The following NSMCE2 variants were observed in gnomAD, a reference collection of about 807,000 sequenced individuals.
The protein encoded by NSMCE2 is E3 SUMO-protein ligase NSE2.
NSMCE2 carries 24 observed loss-of-function variants against 23.8 expected under a neutral mutation model. The ratio of observed to expected loss-of-function variants is 1.01; its 90% CI spans 0.73 to 1.42. The LOEUF is 1.42. Among genes scored for constraint, NSMCE2 ranks in the 40% most tolerant of loss-of-function variants. The pLI is 0.00. For synonymous variants in NSMCE2, 92 were observed against 94.1 expected (o/e 0.98, Z 0.13); for missense variants, 284 against 296.5 (o/e 0.96, Z 0.31).
chr8:125,303,019 T>A (rs1280800577), intron 5 of NSMCE2, among the ~76,000 whole-genome samples: 1 of 152,128 alleles, frequency 6.6e-6, no homozygotes, highest in Non-Finnish European at 1.5e-5. Flanking sequence ...CCCCGCATCT[T>A]CTGTTTCGCA....
At chr8:125,252,958 G>T (rs542240485) in intron 5 of NSMCE2, among the ~76,000 whole-genome samples, 1 of 152,158 alleles carries the variant, frequency 6.6e-6, no homozygotes, top group African/African-American at 2.4e-5. Flanking sequence ...CTTACCTATA[G>T]AACACAGATT....
intron 5 of NSMCE2, among the ~76,000 whole-genome samples, chr8:125,250,304 CAT>C (rs1826152271): frequency 6.6e-6 from 1 of 151,186 alleles, no homozygotes; most frequent in African/African-American, 2.5e-5. Flanking sequence ...GGTATGGAAA[CAT>C]AAAGATAGTT....
chr8:125,286,344 G>T (rs1205813701), intron 5 of NSMCE2, among the ~76,000 whole-genome samples: 4 of 144,416 alleles, frequency 2.8e-5, no homozygotes, highest in Non-Finnish European at 4.5e-5. Flanking sequence ...ATGGAGTCTC[G>T]CCCTGTCACC....
chr8:125,247,390 A>C (rs1271551301), intron 5 of NSMCE2, among the ~76,000 whole-genome samples: 3 of 152,196 alleles, frequency 2.0e-5, no homozygotes, highest in African/African-American at 7.2e-5. Flanking sequence ...TCTTAAGTCA[A>C]ATAGCAAATA....
At chr8:125,097,114 A>G (rs1368958349) in intron 1 of NSMCE2, among the ~76,000 whole-genome samples, 2 of 152,156 alleles carry the variant, frequency 1.3e-5, no homozygotes, top group Non-Finnish European at 2.9e-5. Flanking sequence ...GTCTCTTTCA[A>G]TGCAAATGTT....
Position 125,151,176 on chromosome 8 carries a change from G to A in NSMCE2, c.163G>A (p.Val55Met). The change falls in exon 4 of 8, where the codon GTG becomes ATG. Residue 55 changes from valine (V) to methionine (M), a missense_variant. Coordinates refer to ENST00000287437, the MANE Select transcript of NSMCE2 (RefSeq NM_173685.4). ...ALDLVESQTE[V>M]SSEYSMDKAM... ...GCAATTTTTTTTTCTTTCAGCTGAAGTGAGTAGTGAATATAGTATGGACAA... is the reference window on the plus strand; with the variant it reads ...GCAATTTTTTTTTCTTTCAGCTGAAATGAGTAGTGAATATAGTATGGACAA... 1 of 1,566,554 alleles carries A rather than the reference G, an allele frequency of 6.4e-7. No individual in the cohort carries two copies. The highest frequency in any genetic ancestry group is 8.7e-7 in the Non-Finnish European group (1 of 1,143,822).
chr8:125,293,535 C>T (rs1186814404), intron 5 of NSMCE2, among the ~76,000 whole-genome samples: 2 of 150,666 alleles, frequency 1.3e-5, no homozygotes, highest in African/African-American at 4.9e-5. Context: ...AGCATCCACT[C>T]TGTGGAAAGC....
At chr8:125,342,165 A>G (rs1830276505) in intron 5 of NSMCE2, among the ~76,000 whole-genome samples, 1 of 152,112 alleles carries the variant, frequency 6.6e-6, no homozygotes, top group South Asian at 2.1e-4. Flanking sequence ...TAGACATCAC[A>G]TTCTCTGTGG....
At chr8:125,170,582 G>A (rs1474346721) in intron 4 of NSMCE2, among the ~76,000 whole-genome samples, 4 of 151,176 alleles carry the variant, frequency 2.6e-5, no homozygotes, top group African/African-American at 4.9e-5. Flanking sequence ...TAACTTTTGT[G>A]TTTTTAGAAG....
intron 5 of NSMCE2, among the ~76,000 whole-genome samples, chr8:125,280,715 G>T (rs1411462700): frequency 6.6e-6 from 1 of 152,120 alleles, no homozygotes; most frequent in Non-Finnish European, 1.5e-5. Context: ...TTTTGTTTGG[G>T]TCCCAGACAG....
intron 7 of NSMCE2, among the ~76,000 whole-genome samples, chr8:125,363,817 C>G (rs1238373516): frequency 6.6e-6 from 1 of 152,160 alleles, no homozygotes; most frequent in African/African-American, 2.4e-5. Flanking sequence ...TGCCCTAATG[C>G]AAAGCCAAAT....
intron 5 of NSMCE2, among the ~76,000 whole-genome samples, chr8:125,200,557 G>A (rs549309609): frequency 6.6e-6 from 1 of 150,666 alleles, no homozygotes; most frequent in Admixed American, 6.6e-5. Context: ...TTAGTCTGAT[G>A]GGCTTCCCTT....
chr8:125,100,572 A>G lies in NSMCE2; in HGVS notation c.-110-1479A>G, dbSNP rs114279124. 3.3e-3 allele frequency among the ~76,000 whole-genome samples: 505 copies of G among 151,474 alleles called. 2 individuals carry two copies. The highest frequency in any genetic ancestry group is 0.012 in the African/African-American group (474 of 41,164). On this transcript the variant is annotated intron_variant, in intron 1 of 7. Coordinates refer to ENST00000287437, the MANE Select transcript of NSMCE2 (RefSeq NM_173685.4). ...TAGAGGCTGAATTTTTTTTATTTTT[A>G]TTTTTTTGAGACCGCGTCTTGCTCT...
intron 1 of NSMCE2, among the ~76,000 whole-genome samples, chr8:125,093,165 G>A (rs550837204): frequency 1.4e-3 from 214 of 152,294 alleles, no homozygotes; most frequent in African/African-American, 4.9e-3. Context: ...CCTGTTTCCT[G>A]GTTCATAGGT....
chr8:125,243,240 A>G (rs1825826834), intron 5 of NSMCE2, among the ~76,000 whole-genome samples: 1 of 152,220 alleles, frequency 6.6e-6, no homozygotes, highest in Non-Finnish European at 1.5e-5. Flanking sequence ...ATGTCAGATG[A>G]GTATTTAAGT....
chr8:125,225,880 C>T (rs1309291453), intron 5 of NSMCE2, among the ~76,000 whole-genome samples: 1 of 152,130 alleles, frequency 6.6e-6, no homozygotes, highest in Non-Finnish European at 1.5e-5. Flanking sequence ...GAACACATTT[C>T]CAGATACAAT....
chr8:125,201,683 C>A (rs1407300984), intron 5 of NSMCE2, among the ~76,000 whole-genome samples: 1 of 152,224 alleles, frequency 6.6e-6, no homozygotes, highest in Non-Finnish European at 1.5e-5. Flanking sequence ...TGTCCATTCT[C>A]AGAGCTCAGT....
chr8:125,352,207 G>A (rs568191567), intron 5 of NSMCE2, among the ~76,000 whole-genome samples: 3 of 151,938 alleles, frequency 2.0e-5, no homozygotes, highest in South Asian at 2.1e-4. Context: ...GGGGCTGGGC[G>A]TGGTGGCTCA....
intron 5 of NSMCE2, among the ~76,000 whole-genome samples, chr8:125,194,748 A>G (rs1823528364): frequency 6.6e-6 from 1 of 152,206 alleles, no homozygotes; most frequent in South Asian, 2.1e-4. Flanking sequence ...CTGTTTTTCA[A>G]TGTGCAGTCT....
Sources: allele counts gnomAD v4.1 joint callset (sites outside exome capture counted in the v4.1 genomes callset), GRCh38; gene constraint gnomAD v4.1.1; transcripts MANE v1.5; gene names NCBI Gene and HGNC (gene_info 2026-07-23, HGNC 2026-07-21).